Variants in RORA observed in about 807,000 individuals in gnomAD.
RORA encodes nuclear receptor ROR-alpha.
RORA carries 7 observed loss-of-function variants against 69.5 expected under a neutral mutation model. The observed-to-expected ratio is 0.10, with a 90% CI of 0.06 to 0.19. The LOEUF is 0.19. RORA is among the 10% of genes least tolerant of loss of function. RORA has a pLI of 1.00. For synonymous variants in RORA, 261 were observed against 240.8 expected, an observed-to-expected ratio of 1.08 and a Z score of -0.78; for missense variants, 457 against 663.0, an observed-to-expected ratio of 0.69 and a Z score of 3.41.
chr15:60,536,766 G>A (rs1009411899), intron 2 of RORA, among the ~76,000 whole-genome samples: 4 of 152,244 alleles, frequency 2.6e-5, no homozygotes, highest in Non-Finnish European at 4.4e-5. Flanking sequence ...ATGAGAACAT[G>A]TCTGTCATAC....
rs2068494746 is a variant in RORA, at chr15:60,591,227, T to G, written c.197-59376A>C. 2.0e-5 allele frequency among the ~76,000 whole-genome samples: 3 copies of G among 152,146 alleles called. No homozygotes were observed. In the East Asian group the frequency reaches 5.8e-4, roughly 29 times the overall value. Reference sequence around the variant, plus strand: ...AGATGGGGCTCTAAATCCCCAAGCCTGGCGGCCGGGCCTGCGAAGCAGCTC... The same window carrying G: ...AGATGGGGCTCTAAATCCCCAAGCCGGGCGGCCGGGCCTGCGAAGCAGCTC... On this transcript the variant is annotated intron_variant, in intron 2 of 10. Coordinates refer to ENST00000335670, the MANE Select transcript of RORA (RefSeq NM_134261.3).
intron 1 of RORA, among the ~76,000 whole-genome samples, chr15:60,899,358 G>A (rs1217444705): frequency 3.3e-5 from 5 of 152,186 alleles, no homozygotes; most frequent in South Asian, 2.1e-4. Context: ...CAACATGGAC[G>A]TGGTACCTTC....
At chr15:61,110,745 C>G (rs2078998805) in intron 1 of RORA, among the ~76,000 whole-genome samples, 1 of 152,174 alleles carries the variant, frequency 6.6e-6, no homozygotes, top group Non-Finnish European at 1.5e-5. Context: ...ACTACTTCCT[C>G]TGGTAAATTT....
chr15:60,740,592 G>C (rs1362541671), intron 1 of RORA, among the ~76,000 whole-genome samples: 2 of 152,110 alleles, frequency 1.3e-5, no homozygotes, highest in East Asian at 3.9e-4. Context: ...CAGAAATGAA[G>C]AGCTTGAAGT....
intron 9 of RORA, among the ~76,000 whole-genome samples, chr15:60,500,417 G>T (rs1210914798): frequency 6.6e-6 from 1 of 152,164 alleles, no homozygotes; most frequent in African/African-American, 2.4e-5. Context: ...AACTAAAATT[G>T]TCAATAGAAT....
intron 1 of RORA, among the ~76,000 whole-genome samples, chr15:60,826,523 T>A (rs941933786): frequency 4.6e-5 from 7 of 152,202 alleles, no homozygotes; most frequent in Non-Finnish European, 1.0e-4. Context: ...CTGCACCAGT[T>A]CTAGGCGCTA....
At chr15:60,856,616 T>C (rs2073383437) in intron 1 of RORA, among the ~76,000 whole-genome samples, 1 of 152,248 alleles carries the variant, frequency 6.6e-6, no homozygotes, top group Admixed American at 6.5e-5. Flanking sequence ...TATAACATTT[T>C]ACATCATGCT....
At chr15:61,178,799 G>A (rs1019610805) in intron 1 of RORA, among the ~76,000 whole-genome samples, 6 of 152,114 alleles carry the variant, frequency 3.9e-5, no homozygotes, top group Non-Finnish European at 7.4e-5. Context: ...AACCTAGCAG[G>A]AGACAACTGT....
intron 1 of RORA, among the ~76,000 whole-genome samples, chr15:60,742,788 A>G (rs1475296699): frequency 6.6e-6 from 1 of 152,146 alleles, no homozygotes; most frequent in East Asian, 1.9e-4. Flanking sequence ...AGGTCCATCC[A>G]TGTTGTTGCA....
chr15:61,209,382 C>A (rs1417543818), intron 1 of RORA, among the ~76,000 whole-genome samples: 2 of 152,138 alleles, frequency 1.3e-5, no homozygotes, highest in Non-Finnish European at 2.9e-5. Context: ...AGAGAGGTGA[C>A]CATGCCTAAG....
chr15:60,833,335 C>T (rs2073073474), intron 1 of RORA, among the ~76,000 whole-genome samples: 1 of 152,188 alleles, frequency 6.6e-6, no homozygotes, highest in African/African-American at 2.4e-5. Context: ...CCTGCCTCAG[C>T]CTCCTCAGTA....
chr15:61,041,826 T>C (rs796199388), intron 1 of RORA, among the ~76,000 whole-genome samples: 19 of 152,334 alleles, frequency 1.2e-4, no homozygotes, highest in African/African-American at 4.6e-4. Flanking sequence ...TAATAGCAAA[T>C]ATTTACTAAG....
At chr15:60,760,396 A>G (rs575073962) in intron 1 of RORA, among the ~76,000 whole-genome samples, 33 of 152,340 alleles carry the variant, frequency 2.2e-4, no homozygotes, top group African/African-American at 7.7e-4. Flanking sequence ...ACTTTTAGCT[A>G]TGAATTTAGC....
intron 1 of RORA, among the ~76,000 whole-genome samples, chr15:61,078,389 G>C (rs963343677): frequency 2.1e-5 from 3 of 144,518 alleles, no homozygotes; most frequent in South Asian, 2.2e-4. Context: ...AGTAGAAATG[G>C]GGTTTCACCA....
intron 1 of RORA, among the ~76,000 whole-genome samples, chr15:60,784,116 C>T (rs1318207): frequency 1.4e-3 from 213 of 152,142 alleles, no homozygotes; most frequent in African/African-American, 4.7e-3. Context: ...TAAGTTTCCA[C>T]GAAGCTAAAT....
At chr15:60,909,640 G>T (rs7176921) in intron 1 of RORA, among the ~76,000 whole-genome samples, 190 of 152,306 alleles carry the variant, frequency 1.2e-3, no homozygotes, top group African/African-American at 4.3e-3. Context: ...GAGAGACAGA[G>T]GAAGAGCAGG....
intron 1 of RORA, among the ~76,000 whole-genome samples, chr15:60,748,852 C>T (rs1421147912): frequency 6.6e-6 from 1 of 152,112 alleles, no homozygotes; most frequent in Non-Finnish European, 1.5e-5. Flanking sequence ...TGTTTGTATT[C>T]TAGAATATTT....
intron 1 of RORA, among the ~76,000 whole-genome samples, chr15:60,716,536 T>A (rs2071221153): frequency 1.3e-5 from 2 of 152,180 alleles, no homozygotes. Flanking sequence ...ATATATTGGT[T>A]TTCATCCACA....
intron 1 of RORA, among the ~76,000 whole-genome samples, chr15:60,904,554 C>T (rs1471324851): frequency 6.6e-6 from 1 of 152,180 alleles, no homozygotes; most frequent in Non-Finnish European, 1.5e-5. Flanking sequence ...AAATGTTCTC[C>T]TTCAGTATGG....
Sources: allele counts gnomAD v4.1 joint callset (sites outside exome capture counted in the v4.1 genomes callset), GRCh38; gene constraint gnomAD v4.1.1; transcripts MANE v1.5; gene names NCBI Gene and HGNC (gene_info 2026-07-23, HGNC 2026-07-21).